TCAF2: variants seen among roughly 807,000 people sequenced by gnomAD.
TCAF2 encodes TRPM8 channel-associated factor 2.
A neutral mutation model predicts 33.9 loss-of-function variants in TCAF2; 6 were observed. The observed-to-expected ratio is 0.18, with a 90% CI of 0.10 to 0.35. The LOEUF is 0.35. Among genes scored for constraint, TCAF2 ranks in the 10% least tolerant of loss-of-function variants. The pLI is 1.00. For synonymous variants in TCAF2, 41 were observed against 247.8 expected (o/e 0.17, Z 7.84); for missense variants, 109 against 604.0 (o/e 0.18, Z 8.59).
chr7:143,712,476 C>T lies in TCAF2; in HGVS notation c.624-7207C>T, dbSNP rs1321754148. ...GCTGGGAATCCAAGGCTGCAGTGTGCTATAATTGCACCTGCAAATACGCAT... is the reference window on the plus strand; with the variant it reads ...GCTGGGAATCCAAGGCTGCAGTGTGTTATAATTGCACCTGCAAATACGCAT... On this transcript the variant is annotated intron_variant, in intron 2 of 7. Coordinates refer to ENST00000684770, the MANE Select transcript of TCAF2 (RefSeq NM_001363538.2). Among the ~76,000 whole-genome samples, 4 of 102,880 alleles carry T rather than the reference C, an allele frequency of 3.9e-5. 1 individual carries two copies. The highest frequency in any genetic ancestry group is 8.7e-5 in the Non-Finnish European group (4 of 45,768). 67.5% of individuals were successfully genotyped at this position (102,880 alleles called of 152,430 possible). A position where few individuals can be genotyped will look rare whatever the true frequency, so the allele number is the denominator to read the frequency against.
chr7:143,718,490 C>T (rs1398475802), intron 2 of TCAF2, among the ~76,000 whole-genome samples: 1 of 152,016 alleles, frequency 6.6e-6, no homozygotes, highest in Non-Finnish European at 1.5e-5. Flanking sequence ...TTCCATTAAG[C>T]ATTTTTCAAA....
intron 1 of TCAF2, among the ~76,000 whole-genome samples, chr7:143,634,777 A>T (rs1808900456): frequency 2.4e-5 from 1 of 41,742 alleles, no homozygotes; most frequent in Non-Finnish European, 4.7e-5. Flanking sequence ...AAAAGAAAAA[A>T]AATAGATTTA....
intron 1 of TCAF2, among the ~76,000 whole-genome samples, chr7:143,647,892 CTTTCT>C (rs1338482636): frequency 6.9e-6 from 1 of 145,436 alleles, no homozygotes; most frequent in Non-Finnish European, 1.5e-5. Context: ...TTTAGTCTTT[CTTTCT>C]TTTCTTTCTT....
rs1235189395 is a variant in TCAF2 at position 143,701,742 on chromosome 7, C to A, written c.-11-1242C>A. ...CAGACAAGGCATTTTTAGACATATTCTTTGCTTTATTTTATTTTACTTTAT... is the reference window on the plus strand; with the variant it reads ...CAGACAAGGCATTTTTAGACATATTATTTGCTTTATTTTATTTTACTTTAT... On this transcript the variant is annotated intron_variant, in intron 1 of 7. Transcript: ENST00000684770. Among the ~76,000 whole-genome samples, 5 of 88,592 alleles carry A rather than the reference C, an allele frequency of 5.6e-5. 1 individual carries two copies. The highest frequency in any genetic ancestry group is 1.2e-4 in the African/African-American group (3 of 24,002). 58.1% of individuals were successfully genotyped at this position (88,592 alleles called of 152,430 possible).
chr7:143,648,679 G>C (rs1190808636), intron 1 of TCAF2, among the ~76,000 whole-genome samples: 1 of 68,968 alleles, frequency 1.4e-5, no homozygotes, highest in East Asian at 7.5e-4. Context: ...TTAAGGAATG[G>C]TCAAAATGTA....
intron 3 of TCAF2, chr7:143,720,896 C>A: frequency 4.1e-6 from 2 of 483,976 alleles, no homozygotes; most frequent in Non-Finnish European, 6.6e-6. Flanking sequence ...TCTTCTCTCT[C>A]AGCCTCCTGT....
chr7:143,647,922 C>G (rs531808013), intron 1 of TCAF2, among the ~76,000 whole-genome samples: 1 of 142,416 alleles, frequency 7.0e-6, no homozygotes, highest in African/African-American at 2.6e-5. Flanking sequence ...TTCTTTCTTT[C>G]TTTCTTTTTT....
chr7:143,724,581 C>T lies in TCAF2; in HGVS notation c.2389C>T (p.Gln797Ter), dbSNP rs551428464. ...HETVLGIPRA[Q>*]AHEALSPPER... ...AACAGTCCTGGGGATCCCCAGGGCT[C>T]AGGCCCACGAGGCTCTGAGCCCTCC... The change falls in exon 7 of 8, where the codon CAG becomes TAG. Residue 797 changes from glutamine (Q) to a stop codon, truncating the protein, a stop_gained. Transcript: ENST00000684770. LOFTEE classifies it high-confidence loss of function. 208 of 1,611,008 alleles carry T rather than the reference C, an allele frequency of 1.3e-4. 1 individual carries two copies. The highest frequency in any genetic ancestry group is 1.7e-4 in the Non-Finnish European group (202 of 1,179,586).
At chr7:143,621,098 T>G in intron 1 of TCAF2, 78 bp downstream of exon 1, 1 of 102,548 alleles carries the variant, frequency 9.8e-6, no homozygotes, top group Non-Finnish European at 2.2e-5. Context: ...CGCCGCAAAG[T>G]GCTGGAGGCC....
rs1164142414 is a variant in TCAF2 at position 143,724,652 on chromosome 7, C to T, written c.2460C>T (p.Pro820=). The T allele has an allele frequency of 5.6e-6, 9 of 1,609,498 alleles. No individual in the cohort carries two copies. The Admixed American group carries it at 1.3e-4, about 24-fold the overall frequency. ...AGGCCCACCTGGGAAAGGGAGCCCCCCTGTGTGACTGGAATGTATGGACAG... is the reference window on the plus strand; with the variant it reads ...AGGCCCACCTGGGAAAGGGAGCCCCTCTGTGTGACTGGAATGTATGGACAG... The part of the protein sequence containing the change: ...RIKAHLGKGA[P]LCDWNVWTAL... The change falls in exon 7 of 8, where the codon CCC becomes CCT. Residue 820 remains proline, a synonymous_variant. Coordinates refer to ENST00000684770, the MANE Select transcript of TCAF2 (RefSeq NM_001363538.2).
intron 4 of TCAF2, among the ~76,000 whole-genome samples, chr7:143,721,834 G>A (rs137860941): frequency 0.051 from 7,454 of 145,420 alleles, 355 homozygotes; most frequent in Admixed American, 0.15. Flanking sequence ...GAAAATCCTC[G>A]GGCATGGGCA....
rs182766261 is a variant in TCAF2, at chr7:143,728,379, A to T, written c.*712A>T. ...GGTATCAATAATGGTAGTTGTCAGC[A>T]GTATCTTAGCCCTTTCTACATTTTT... On this transcript the variant is annotated 3_prime_UTR_variant, in exon 8 of 8. Transcript: ENST00000684770. 251 of 153,444 alleles carry T rather than the reference A, an allele frequency of 1.6e-3. 1 individual carries two copies. The highest frequency in any genetic ancestry group is 2.6e-3 in the Non-Finnish European group (178 of 68,890). 9.5% of individuals were successfully genotyped at this position (153,444 alleles called of 1,614,324 possible).
At chr7:143,720,917 CT>C in intron 3 of TCAF2, 1 of 390,372 alleles carries the variant, frequency 2.6e-6, no homozygotes. Flanking sequence ...GTTGCTGGGA[CT>C]ACAGGCACAC....
chr7:143,710,159 GAGGGCATGCTC>G (rs1445818453), intron 2 of TCAF2, among the ~76,000 whole-genome samples: 1 of 19,546 alleles, frequency 5.1e-5, no homozygotes, highest in African/African-American at 1.2e-4. Flanking sequence ...GGAGGTTTGT[GAGGGCATGCTC>G]CCAGGATCAG....
chr7:143,725,054 G>GC, intron 7 of TCAF2: 1 of 267,672 alleles, frequency 3.7e-6, no homozygotes, highest in Non-Finnish European at 6.2e-6. Flanking sequence ...CTCCTAATAA[G>GC]TGTTCCATAA....
At chr7:143,725,570 T>C (rs1244424217) in intron 7 of TCAF2, among the ~76,000 whole-genome samples, 1 of 149,334 alleles carries the variant, frequency 6.7e-6, no homozygotes, top group African/African-American at 2.5e-5. Flanking sequence ...GGCTTTCGCA[T>C]TGCCATACCC....
Position 143,724,656 on chromosome 7 carries a change from T to C in TCAF2, c.2464T>C (p.Cys822Arg). ...KAHLGKGAPLCDWNVWTALET... is the reference protein window; with the variant it reads ...KAHLGKGAPLRDWNVWTALET... ...CCACCTGGGAAAGGGAGCCCCCCTG[T>C]GTGACTGGAATGTATGGACAGCCCT... is the stretch of plus-strand genomic sequence containing the variant. Residue 822 changes from cysteine to arginine, a missense_variant, in exon 7 of 8, where the codon TGT (cysteine) becomes CGT (arginine). Coordinates refer to ENST00000684770, the MANE Select transcript of TCAF2 (RefSeq NM_001363538.2). 1 of 1,609,334 alleles carries C rather than the reference T, an allele frequency of 6.2e-7. No homozygotes were observed. Among genetic ancestry groups the C allele is most frequent in the South Asian group, 1.1e-5 (1 of 90,800 alleles).
At chr7:143,726,381 CA>C in intron 7 of TCAF2, among the ~76,000 whole-genome samples, 1 of 104,912 alleles carries the variant, frequency 9.5e-6, no homozygotes, top group African/African-American at 4.3e-5. Flanking sequence ...ACAGTTTTAG[CA>C]ATGTGTTTAT....
chr7:143,708,302 T>C (rs1251777046), intron 2 of TCAF2, among the ~76,000 whole-genome samples: 2 of 64,704 alleles, frequency 3.1e-5, no homozygotes, highest in Admixed American at 2.3e-4. Flanking sequence ...TCACAAACTG[T>C]GGCTGCTTTC....
Sources: gnomAD v4.1 joint callset for allele counts (sites outside exome capture counted in the v4.1 genomes callset) on GRCh38, gnomAD v4.1.1 for gene constraint, MANE v1.5 for transcripts, NCBI Gene and HGNC (gene_info 2026-07-23, HGNC 2026-07-21) for gene names.